SPOCK3: variants seen among roughly 807,000 people sequenced by gnomAD.
SPOCK3 encodes the protein testican-3.
Under a neutral mutation model 56.6 loss-of-function variants are expected in SPOCK3, and 30 were observed. That is an observed-to-expected ratio of 0.53 (90% CI 0.40 to 0.72). The LOEUF is 0.72. Among genes scored for constraint, SPOCK3 ranks in the 30% least tolerant of loss-of-function variants. The pLI, the probability that SPOCK3 is intolerant of heterozygous loss-of-function variation, is 0.00. For synonymous variants in SPOCK3, 196 were observed against 183.3 expected, an observed-to-expected ratio of 1.07 and a Z score of -0.56; for missense variants, 527 against 530.0, an observed-to-expected ratio of 0.99 and a Z score of 0.06.
chr4:167,124,717 T>C (rs1284552500), intron 2 of SPOCK3, among the ~76,000 whole-genome samples: 1 of 152,216 alleles, frequency 6.6e-6, no homozygotes, highest in East Asian at 1.9e-4. Flanking sequence ...GAAACATAAA[T>C]TGAATTATGT....
At chr4:167,097,058 A>G (rs1759219777) in intron 2 of SPOCK3, among the ~76,000 whole-genome samples, 1 of 151,820 alleles carries the variant, frequency 6.6e-6, no homozygotes, top group Non-Finnish European at 1.5e-5. Context: ...GACTTTATCT[A>G]AAATTAATAT....
At chr4:167,194,970 G>T (rs558774269) in intron 2 of SPOCK3, among the ~76,000 whole-genome samples, 3 of 152,286 alleles carry the variant, frequency 2.0e-5, no homozygotes, top group Admixed American at 1.3e-4. Context: ...AGCTGAGGGG[G>T]TCTGAAACTG....
At chr4:167,229,062 A>ATT (rs1736875472) in intron 2 of SPOCK3, among the ~76,000 whole-genome samples, 4 of 152,178 alleles carry the variant, frequency 2.6e-5, no homozygotes, top group Non-Finnish European at 5.9e-5. Context: ...AACTACAGTG[A>ATT]AATATAGGTA....
intron 2 of SPOCK3, among the ~76,000 whole-genome samples, chr4:167,148,269 C>T (rs889790461): frequency 1.3e-5 from 2 of 151,998 alleles, no homozygotes; most frequent in African/African-American, 4.8e-5. Context: ...CACTAATGTC[C>T]TAATACAAAG....
At chr4:166,836,054 G>A (rs1017415488) in intron 6 of SPOCK3, among the ~76,000 whole-genome samples, 11 of 152,204 alleles carry the variant, frequency 7.2e-5, no homozygotes, top group African/African-American at 2.6e-4. Flanking sequence ...AAACCTTTGA[G>A]ATGCCTTTAA....
In SPOCK3 at chr4:167,185,533, C is replaced by T. The variant is rs7661088; in HGVS notation, c.189+48452G>A. On this transcript the variant is annotated intron_variant, in intron 2 of 10. Transcript: ENST00000357545. ...CACCAGAGAACCAACCCTAAATCATCCAAAGCTCTGCCATGGCCATAAGTC... is the reference window on the plus strand; with the variant it reads ...CACCAGAGAACCAACCCTAAATCATTCAAAGCTCTGCCATGGCCATAAGTC... 9.0e-3 allele frequency among the ~76,000 whole-genome samples: 1,370 copies of T among 152,240 alleles called. 6 individuals are homozygous for T. The highest frequency in any genetic ancestry group is 0.015 in the Non-Finnish European group (1,026 of 68,010).
At chr4:167,010,733 G>A (rs1749957614) in intron 3 of SPOCK3, among the ~76,000 whole-genome samples, 1 of 152,014 alleles carries the variant, frequency 6.6e-6, no homozygotes, top group Admixed American at 6.6e-5. Context: ...TGCAAGAAGC[G>A]ATGATGAGCA....
chr4:166,848,794 C>T (rs1362280536), intron 6 of SPOCK3, among the ~76,000 whole-genome samples: 2 of 152,158 alleles, frequency 1.3e-5, no homozygotes, highest in Non-Finnish European at 2.9e-5. Flanking sequence ...TGTAATTTCT[C>T]CCTGTATGCT....
chr4:166,772,790 C>G (rs1739099087), intron 7 of SPOCK3, among the ~76,000 whole-genome samples: 1 of 151,856 alleles, frequency 6.6e-6, no homozygotes, highest in Non-Finnish European at 1.5e-5. Flanking sequence ...GGTTTCTTTC[C>G]TTTTTGTTTG....
intron 2 of SPOCK3, among the ~76,000 whole-genome samples, chr4:167,074,120 T>C (rs1318738605): frequency 6.6e-6 from 1 of 151,814 alleles, no homozygotes; most frequent in Non-Finnish European, 1.5e-5. Context: ...AGTAAAGGGT[T>C]ATGTGGAAGA....
chr4:167,011,232 C>T (rs1048568705), intron 3 of SPOCK3: 1 of 454,902 alleles, frequency 2.2e-6, no homozygotes, highest in Admixed American at 2.4e-5. Context: ...CTGGCAAGTA[C>T]TAATCCAAAG....
chr4:166,737,715 A>T, intron 9 of SPOCK3, 111 bp from the exon 10 acceptor site: 1 of 1,187,280 alleles, frequency 8.4e-7, no homozygotes, highest in Non-Finnish European at 1.2e-6. Flanking sequence ...ACTTACACAT[A>T]TGGAGTGTCC....
intron 2 of SPOCK3, among the ~76,000 whole-genome samples, chr4:167,077,097 C>T (rs1052452631): frequency 1.6e-4 from 24 of 151,824 alleles, no homozygotes; most frequent in African/African-American, 5.3e-4. Context: ...AGATGAAAGG[C>T]ACCAGAAGAT....
intron 2 of SPOCK3, among the ~76,000 whole-genome samples, chr4:167,109,400 T>C (rs1164384291): frequency 4.8e-5 from 4 of 84,192 alleles, no homozygotes; most frequent in Non-Finnish European, 6.4e-5. Context: ...AATATATATT[T>C]ATATATAAAT....
intron 7 of SPOCK3, among the ~76,000 whole-genome samples, chr4:166,767,000 T>A (rs1738175971): frequency 6.6e-6 from 1 of 152,242 alleles, no homozygotes; most frequent in Non-Finnish European, 1.5e-5. Context: ...TATTCTTTGA[T>A]GGTAGTTTGT....
chr4:167,009,636 A>T (rs1561114923), intron 3 of SPOCK3, among the ~76,000 whole-genome samples: 2 of 152,082 alleles, frequency 1.3e-5, no homozygotes. Context: ...ACCAAAAAAA[A>T]CAACAACAAA....
chr4:166,969,159 TA>T (rs1434201533), intron 4 of SPOCK3, among the ~76,000 whole-genome samples: 9 of 152,316 alleles, frequency 5.9e-5, no homozygotes, highest in Non-Finnish European at 8.8e-5. Flanking sequence ...AATATGTTTT[TA>T]AATTTTTAAG....
chr4:166,842,904 G>T (rs948093328), intron 6 of SPOCK3, among the ~76,000 whole-genome samples: 5 of 152,230 alleles, frequency 3.3e-5, no homozygotes, highest in Non-Finnish European at 7.3e-5. Context: ...TGCCCATCGA[G>T]GGGGTTTGGG....
intron 6 of SPOCK3, among the ~76,000 whole-genome samples, chr4:166,884,461 C>T (rs1287657550): frequency 6.6e-6 from 1 of 151,724 alleles, no homozygotes; most frequent in East Asian, 1.9e-4. Flanking sequence ...AAATATTTTG[C>T]AAAATATGCA....
Sources: allele counts gnomAD v4.1 joint callset (sites outside exome capture counted in the v4.1 genomes callset), GRCh38; gene constraint gnomAD v4.1.1; transcripts MANE v1.5; gene names NCBI Gene and HGNC (gene_info 2026-07-23, HGNC 2026-07-21).